The following CSMD2 variants were observed in gnomAD, a reference collection of about 807,000 sequenced individuals.
The protein encoded by CSMD2 is CUB and Sushi multiple domains 2.
In CSMD2, 130 loss-of-function variants were observed where a neutral mutation model predicts 398.5. The ratio of observed to expected loss-of-function variants is 0.33; its 90% CI spans 0.28 to 0.38. CSMD2 has a LOEUF of 0.38. CSMD2 is among the 10% of genes least tolerant of loss of function. The probability of loss-of-function intolerance (pLI) is 1.00; values close to 1 mark genes in which losing one functional copy is unlikely to be tolerated. For missense variants in CSMD2, 3,829 were observed against 4,764.9 expected, an observed-to-expected ratio of 0.80 and a Z score of 5.78; for synonymous variants, 1,828 against 1,908.5, an observed-to-expected ratio of 0.96 and a Z score of 1.10.
intron 62 of CSMD2, 29 bp downstream of exon 62, chr1:33,536,993 G>A: frequency 6.3e-7 from 1 of 1,599,918 alleles, no homozygotes; most frequent in East Asian, 2.2e-5. Flanking sequence ...TAGGATGTAG[G>A]AAGACCCTAT....
intron 3 of CSMD2, among the ~76,000 whole-genome samples, chr1:34,005,814 A>C (rs1647037037): frequency 6.6e-6 from 1 of 152,306 alleles, no homozygotes; most frequent in Middle Eastern, 3.4e-3. Flanking sequence ...AGCAGAGCCT[A>C]TGCAGCCTGC....
chr1:33,679,932 T>TC (rs398102630), intron 25 of CSMD2, among the ~76,000 whole-genome samples: 1 of 151,402 alleles, frequency 6.6e-6, no homozygotes, highest in Non-Finnish European at 1.5e-5. Flanking sequence ...TTTTTTTTTT[T>TC]CTTTTTGAGA....
intron 2 of CSMD2, among the ~76,000 whole-genome samples, chr1:34,033,564 G>A (rs1052079239): frequency 3.3e-5 from 5 of 152,220 alleles, no homozygotes; most frequent in African/African-American, 7.2e-5. Context: ...GACCCTCACA[G>A]GGACCTGATT....
intron 13 of CSMD2, among the ~76,000 whole-genome samples, chr1:33,757,645 C>G (rs1307531631): frequency 3.3e-5 from 5 of 152,202 alleles, no homozygotes; most frequent in Non-Finnish European, 7.4e-5. Flanking sequence ...TGATGTACAT[C>G]CCTCCTGGAG....
At chr1:33,521,806 C>T (rs1162519830) in intron 67 of CSMD2, among the ~76,000 whole-genome samples, 1 of 152,148 alleles carries the variant, frequency 6.6e-6, no homozygotes, top group African/African-American at 2.4e-5. Context: ...CTCTCTGTGC[C>T]TCAGTTTGTC....
intron 3 of CSMD2, among the ~76,000 whole-genome samples, chr1:33,965,334 T>G (rs1357632593): frequency 6.6e-6 from 1 of 152,154 alleles, no homozygotes; most frequent in Non-Finnish European, 1.5e-5. Context: ...AGCTTTATAA[T>G]TTCACTGTCT....
intron 3 of CSMD2, among the ~76,000 whole-genome samples, chr1:34,029,759 G>A (rs971142987): frequency 6.6e-6 from 1 of 152,224 alleles, no homozygotes; most frequent in Non-Finnish European, 1.5e-5. Context: ...ATAGAGACTC[G>A]CTCGGCTACA....
intron 33 of CSMD2, among the ~76,000 whole-genome samples, chr1:33,625,638 T>C (rs1404529112): frequency 6.6e-6 from 1 of 152,150 alleles, no homozygotes; most frequent in Non-Finnish European, 1.5e-5. Flanking sequence ...GTTTTCCCCA[T>C]GTGCCTTAAG....
chr1:33,572,091 T>A (rs1659645201), intron 50 of CSMD2, among the ~76,000 whole-genome samples: 1 of 152,210 alleles, frequency 6.6e-6, no homozygotes, highest in South Asian at 2.1e-4. Flanking sequence ...AAATTTGTTA[T>A]AAAGCACCGT....
rs1414105343 is a variant in CSMD2 at position 33,945,675 on chromosome 1, G to A, written c.518-9721C>T. Among the ~76,000 whole-genome samples, 10 of 152,090 alleles carry A rather than the reference G, an allele frequency of 6.6e-5. No homozygotes were observed. In the South Asian group the frequency reaches 8.3e-4, roughly 13 times the overall value. On this transcript the variant is annotated intron_variant, in intron 3 of 70. Coordinates refer to ENST00000373381, the MANE Select transcript of CSMD2 (RefSeq NM_001281956.2). ...TTCAGTTTTTCCAAACCAGTAACACGTGCTGCCCCTGTTTCAGAAGACTGT... is the reference window on the plus strand; with the variant it reads ...TTCAGTTTTTCCAAACCAGTAACACATGCTGCCCCTGTTTCAGAAGACTGT...
In CSMD2 at chr1:33,624,945, G is replaced by A. The variant is rs1487636603; in HGVS notation, c.5500+106C>T. 3 of 1,177,350 alleles carry A rather than the reference G, an allele frequency of 2.5e-6. No homozygotes were observed. Among genetic ancestry groups the A allele is most frequent in the Non-Finnish European group, 3.7e-6 (3 of 805,084 alleles). The allele number at this position is 1,177,350 out of a possible 1,614,324, so 72.9% of individuals were successfully genotyped here. A position where few individuals can be genotyped will look rare whatever the true frequency, so the allele number is the denominator to read the frequency against. ...CCACCTCAGCCATGCGGTGGGAAGC[G>A]GCTGCTGTGTGTCGTGGGGCATCAC... On this transcript the variant is annotated intron_variant, in intron 34 of 70. Coordinates refer to ENST00000373381, the MANE Select transcript of CSMD2 (RefSeq NM_001281956.2). The surrounding 1 kb of genome is among the most constrained non-coding windows in gnomAD (Gnocchi z 4.7).
intron 6 of CSMD2, among the ~76,000 whole-genome samples, chr1:33,828,326 A>T (rs1659055875): frequency 6.6e-6 from 1 of 152,212 alleles, no homozygotes; most frequent in African/African-American, 2.4e-5. Context: ...CTGGGAGAAC[A>T]GGAGCAGTTC....
chr1:33,781,446 G>A (rs1274960890), intron 12 of CSMD2, among the ~76,000 whole-genome samples: 4 of 152,206 alleles, frequency 2.6e-5, no homozygotes, highest in Non-Finnish European at 5.9e-5. Flanking sequence ...TGTAGCCTCA[G>A]TGTCCTGAAC....
intron 1 of CSMD2, among the ~76,000 whole-genome samples, chr1:34,103,044 A>G (rs925060574): frequency 6.6e-6 from 1 of 152,160 alleles, no homozygotes; most frequent in Non-Finnish European, 1.5e-5. Flanking sequence ...TTGTTGGTTG[A>G]ATGAATGAAT....
intron 4 of CSMD2, among the ~76,000 whole-genome samples, chr1:33,920,203 G>C (rs1330419203): frequency 6.6e-6 from 1 of 152,016 alleles, no homozygotes; most frequent in Admixed American, 6.6e-5. Flanking sequence ...AGGTCACCAG[G>C]GTGCAGAGGC....
At chr1:33,970,202 T>C (rs1645709012) in intron 3 of CSMD2, among the ~76,000 whole-genome samples, 1 of 151,822 alleles carries the variant, frequency 6.6e-6, no homozygotes. Flanking sequence ...GATGAATGAA[T>C]GAATGAATGA....
At chr1:34,119,066 G>A (rs1476303982) in intron 1 of CSMD2, among the ~76,000 whole-genome samples, 9 of 152,090 alleles carry the variant, frequency 5.9e-5, no homozygotes, top group Admixed American at 5.2e-4. Flanking sequence ...GTATAGCATT[G>A]GACTAAAGAA....
At position 33,636,421 on chromosome 1, in the gene CSMD2, C is replaced by T; in HGVS notation, c.4908G>A (p.Leu1636=). Residue 1636 remains leucine (L), a synonymous_variant, in exon 30 of 71, where the codon CTG becomes CTA. Transcript: ENST00000373381. The surrounding 1 kb of genome is among the most constrained non-coding windows in gnomAD (Gnocchi z 4.8). ...GGYEVEGTST[L]SCILGPDGKP... ...TCCCATCAGGCCCCAGGATGCAGCT[C>T]AGGGTCGAGGTGCCCTCAACTTCGT... is the stretch of plus-strand genomic sequence containing the variant. The T allele has an allele frequency of 6.2e-7, 1 of 1,614,098 alleles. No homozygotes were observed. The highest frequency in any genetic ancestry group is 8.5e-7 in the Non-Finnish European group (1 of 1,179,994).
chr1:33,858,323 CTT>C (rs1477596991), intron 5 of CSMD2, among the ~76,000 whole-genome samples: 2 of 152,180 alleles, frequency 1.3e-5, no homozygotes, highest in Non-Finnish European at 2.9e-5. Context: ...ATTTAGATAA[CTT>C]TTTCTCCTTC....
Sources: allele counts gnomAD v4.1 joint callset (sites outside exome capture counted in the v4.1 genomes callset), GRCh38; gene constraint gnomAD v4.1.1; non-coding constraint Gnocchi (gnomAD v3.1); transcripts MANE v1.5; gene names NCBI Gene and HGNC (gene_info 2026-07-23, HGNC 2026-07-21).